Variants in RANBP2 observed in about 807,000 individuals in gnomAD.
RANBP2 encodes RAN binding protein 2.
In RANBP2, 57 loss-of-function variants were observed where a neutral mutation model predicts 303.6. The ratio of observed to expected loss-of-function variants is 0.19; its 90% CI spans 0.15 to 0.23. The LOEUF (loss-of-function observed/expected upper bound fraction) is 0.23. Ranked by LOEUF, RANBP2 falls within the 10% of genes least tolerant of loss-of-function variation. The pLI, the probability that RANBP2 is intolerant of heterozygous loss-of-function variation, is 1.00. For missense variants in RANBP2, 3,138 were observed against 3,780.8 expected (o/e 0.83, Z 4.46); for synonymous variants, 1,167 against 1,301.5 (o/e 0.90, Z 2.23).
chr2:108,808,896 G>T, the RANBP2 span, among the ~76,000 whole-genome samples: 2 of 151,998 alleles, frequency 1.3e-5, no homozygotes, highest in Admixed American at 1.3e-4. Context: ...CTTTGCCCAG[G>T]CGATTGTCGT....
intron 25 of RANBP2, among the ~76,000 whole-genome samples, chr2:108,778,837 T>A (rs1301533480): frequency 1.3e-5 from 2 of 151,410 alleles, no homozygotes; most frequent in Admixed American, 1.3e-4. Context: ...AAAGCAATCC[T>A]TCCACCTCAG....
At chr2:108,755,512 G>C (rs1266184516) in intron 17 of RANBP2, among the ~76,000 whole-genome samples, 1 of 151,762 alleles carries the variant, frequency 6.6e-6, no homozygotes, top group Non-Finnish European at 1.5e-5. Flanking sequence ...GGCTCAGCCT[G>C]CCACGAAGCC....
At chr2:109,156,589 G>T in the RANBP2 span, among the ~76,000 whole-genome samples, 9 of 151,970 alleles carry the variant, frequency 5.9e-5, no homozygotes, top group Non-Finnish European at 1.5e-5. Flanking sequence ...GAGATTACAG[G>T]TGTCCACCAC....
chr2:109,692,584 G>T, the RANBP2 span, among the ~76,000 whole-genome samples: 2 of 152,166 alleles, frequency 1.3e-5, no homozygotes, highest in Non-Finnish European at 2.9e-5. Flanking sequence ...CTCAGCTGGA[G>T]GCCGAGGCCG....
chr2:109,307,466 A>G, the RANBP2 span, among the ~76,000 whole-genome samples: 19 of 150,118 alleles, frequency 1.3e-4, no homozygotes, highest in African/African-American at 4.2e-4. Context: ...GTACATGTGC[A>G]CATTGTGCAG....
chr2:108,837,643 T>C, the RANBP2 span, among the ~76,000 whole-genome samples: 1 of 152,220 alleles, frequency 6.6e-6, no homozygotes, highest in African/African-American at 2.4e-5. Context: ...AAACCTGTGC[T>C]GCCAGTTACA....
At chr2:109,727,872 A>T in the RANBP2 span, among the ~76,000 whole-genome samples, 1 of 152,200 alleles carries the variant, frequency 6.6e-6, no homozygotes, top group East Asian at 1.9e-4. Flanking sequence ...AGATGTCTAC[A>T]ATGTCTACAA....
At chr2:109,285,444 C>G in the RANBP2 span, among the ~76,000 whole-genome samples, 1 of 152,222 alleles carries the variant, frequency 6.6e-6, no homozygotes. Context: ...TGCAGTGTGC[C>G]TGCTGTGCCG....
At chr2:109,609,052 T>G in the RANBP2 span, among the ~76,000 whole-genome samples, 1 of 152,156 alleles carries the variant, frequency 6.6e-6, no homozygotes, top group Admixed American at 6.5e-5. Context: ...AATATATCAA[T>G]CAATCAATCA....
the RANBP2 span, among the ~76,000 whole-genome samples, chr2:108,934,574 T>TG: frequency 2.0e-5 from 3 of 152,186 alleles, no homozygotes; most frequent in African/African-American, 7.2e-5. Flanking sequence ...GAAGTTTATT[T>TG]GGGGTTCTGG....
the RANBP2 span, among the ~76,000 whole-genome samples, chr2:108,962,531 C>T: frequency 3.3e-5 from 5 of 151,834 alleles, no homozygotes; most frequent in South Asian, 2.1e-4. Flanking sequence ...AAAAATTAGC[C>T]GGGCGTGGTG....
the RANBP2 span, among the ~76,000 whole-genome samples, chr2:109,264,759 C>T: frequency 6.6e-6 from 1 of 152,212 alleles, no homozygotes; most frequent in African/African-American, 2.4e-5. Context: ...ACTGGGCGGG[C>T]ATCTCATTCT....
chr2:109,407,902 G>A, the RANBP2 span, among the ~76,000 whole-genome samples: 5,362 of 152,216 alleles, frequency 0.035, 193 homozygotes, highest in African/African-American at 0.09. Flanking sequence ...GATTTTTGTC[G>A]ATTGCAAAGC....
the RANBP2 span, among the ~76,000 whole-genome samples, chr2:109,481,362 C>G: frequency 6.6e-6 from 1 of 152,096 alleles, no homozygotes; most frequent in African/African-American, 2.4e-5. Flanking sequence ...TACGGAAAAA[C>G]AAGTTTATTG....
chr2:109,714,044 A>G, the RANBP2 span, among the ~76,000 whole-genome samples: 1 of 152,242 alleles, frequency 6.6e-6, no homozygotes, highest in South Asian at 2.1e-4. Context: ...GACGCCAATC[A>G]TAAGTAGTAG....
chr2:109,505,517 A>AT, the RANBP2 span, among the ~76,000 whole-genome samples: 21 of 152,038 alleles, frequency 1.4e-4, no homozygotes, highest in Admixed American at 1.1e-3. Flanking sequence ...AAATAAAATA[A>AT]TTTTTTTTAA....
At chr2:109,033,273 G>A in the RANBP2 span, among the ~76,000 whole-genome samples, 36 of 152,176 alleles carry the variant, frequency 2.4e-4, no homozygotes, top group Non-Finnish European at 3.4e-4. Flanking sequence ...TGATTTCCAC[G>A]ACTCCTTTTG....
At chr2:109,011,397 C>T in the RANBP2 span, among the ~76,000 whole-genome samples, 1 of 152,160 alleles carries the variant, frequency 6.6e-6, no homozygotes, top group Non-Finnish European at 1.5e-5. Flanking sequence ...TCAGTGTTGC[C>T]ATTGGGAAGT....
chr2:109,142,903 G>A, the RANBP2 span, among the ~76,000 whole-genome samples: 1 of 152,170 alleles, frequency 6.6e-6, no homozygotes, highest in African/African-American at 2.4e-5. Context: ...AAGGATGTCG[G>A]CTTTCAAGGT....
Sources: gnomAD v4.1 joint callset for allele counts (sites outside exome capture counted in the v4.1 genomes callset) on GRCh38, gnomAD v4.1.1 for gene constraint, MANE v1.5 for transcripts, NCBI Gene and HGNC (gene_info 2026-07-23, HGNC 2026-07-21) for gene names.